The following RELN variants were observed in gnomAD, a reference collection of about 807,000 sequenced individuals.
RELN encodes reelin.
In RELN, 108 loss-of-function variants were observed where a neutral mutation model predicts 427.6. The ratio of observed to expected loss-of-function variants is 0.25; its 90% CI spans 0.22 to 0.30. The LOEUF (loss-of-function observed/expected upper bound fraction) is 0.30, where lower values mean the gene tolerates loss of function less well. RELN is among the 10% of genes least tolerant of loss of function. The pLI is 1.00. For missense variants in RELN, 3,715 were observed against 4,302.8 expected, an observed-to-expected ratio of 0.86 and a Z score of 3.82; for synonymous variants, 1,524 against 1,513.4, an observed-to-expected ratio of 1.01 and a Z score of -0.16.
At chr7:103,671,269 A>T (rs1833387025) in intron 11 of RELN, among the ~76,000 whole-genome samples, 1 of 152,170 alleles carries the variant, frequency 6.6e-6, no homozygotes, top group Non-Finnish European at 1.5e-5. Context: ...GATGAGCTCA[A>T]TTTGAAGCCT....
intron 60 of RELN, 112 bp downstream of exon 60, chr7:103,489,630 G>T: frequency 8.1e-7 from 1 of 1,235,956 alleles, no homozygotes; most frequent in South Asian, 1.3e-5. Context: ...ATGAATCTCA[G>T]ATCCCTCAGG....
intron 1 of RELN, among the ~76,000 whole-genome samples, chr7:103,959,525 G>A (rs1241850733): frequency 6.6e-6 from 1 of 152,112 alleles, no homozygotes; most frequent in African/African-American, 2.4e-5. Flanking sequence ...TCTCCCTGCA[G>A]ATTCTCCCAC....
chr7:103,507,289 A>T (rs1829247842), intron 51 of RELN, among the ~76,000 whole-genome samples: 1 of 152,050 alleles, frequency 6.6e-6, no homozygotes, highest in Non-Finnish European at 1.5e-5. Flanking sequence ...GAAGTAAAAA[A>T]CTCCTCAGCA....
intron 27 of RELN, among the ~76,000 whole-genome samples, chr7:103,593,332 C>G (rs1831463284): frequency 6.6e-6 from 1 of 152,150 alleles, no homozygotes; most frequent in Non-Finnish European, 1.5e-5. Flanking sequence ...TCAAATACCA[C>G]TAGCAAGATG....
chr7:103,504,161 GC>G (rs1401925863), intron 51 of RELN, among the ~76,000 whole-genome samples: 1 of 152,022 alleles, frequency 6.6e-6, no homozygotes, highest in African/African-American at 2.4e-5. Context: ...CCAAGATTAC[GC>G]CACTGCACTC....
chr7:103,650,218 A>G, intron 16 of RELN, 56 bp downstream of exon 16: 1 of 1,060,750 alleles, frequency 9.4e-7, no homozygotes, highest in South Asian at 1.2e-5. Flanking sequence ...GACGAACAAA[A>G]GCACAGGAAG....
rs1231029837 is a variant in RELN at position 103,545,006 on chromosome 7, C to T, written c.6523+118G>A. 11 of 799,874 alleles carry T rather than the reference C, an allele frequency of 1.4e-5. No homozygotes were observed. In the Admixed American group the frequency reaches 2.0e-4, roughly 15 times the overall value. 49.5% of individuals were successfully genotyped at this position (799,874 alleles called of 1,614,324 possible). A position where few individuals can be genotyped will look rare whatever the true frequency, so the allele number is the denominator to read the frequency against. ...AACTAAATGAATTCTTGGATGTTCA[C>T]AATTGAAATAATAATGAGATATTAG... On this transcript the variant is annotated intron_variant, in intron 42 of 64. Coordinates refer to ENST00000428762, the MANE Select transcript of RELN (RefSeq NM_005045.4).
At position 103,814,460 on chromosome 7, in the gene RELN, A is replaced by C. The variant is rs1792820642; in HGVS notation, c.473+19077T>G. ...TATTGGAAAGAATATAGTTATCTGC[A>C]AGTAAGCCTGTTCCAGAAAACCAAG... On this transcript the variant is annotated intron_variant, in intron 3 of 64. Transcript: ENST00000428762. Among the ~76,000 whole-genome samples, 5 of 152,190 alleles carry C rather than the reference A, an allele frequency of 3.3e-5. No individual in the cohort carries two copies. In the South Asian group the frequency reaches 8.3e-4, roughly 25 times the overall value.
intron 20 of RELN, among the ~76,000 whole-genome samples, chr7:103,618,806 C>T (rs1832143441): frequency 6.6e-6 from 1 of 152,110 alleles, no homozygotes; most frequent in Non-Finnish European, 1.5e-5. Context: ...AGTTTCTTGG[C>T]TGCTGTTAAT....
intron 28 of RELN, among the ~76,000 whole-genome samples, chr7:103,586,257 G>A (rs1442313713): frequency 6.6e-6 from 1 of 152,132 alleles, no homozygotes; most frequent in Non-Finnish European, 1.5e-5. Flanking sequence ...CAGCTACCCA[G>A]GAGGCTGAGG....
chr7:103,669,477 G>A (rs1306233805), intron 11 of RELN, among the ~76,000 whole-genome samples: 1 of 152,070 alleles, frequency 6.6e-6, no homozygotes, highest in African/African-American at 2.4e-5. Flanking sequence ...TCAACTACTG[G>A]GGGACTTCAG....
Position 103,596,390 on chromosome 7 carries a change from A to T in RELN, c.3539+66T>A, listed in dbSNP as rs2117254658. ...GCAACAGTTAACATTTTGGAAACAC[A>T]TCAACAATGATTTAACCTTTACCAT... On this transcript the variant is annotated intron_variant, in intron 25 of 64. Coordinates refer to ENST00000428762, the MANE Select transcript of RELN (RefSeq NM_005045.4). 3.6e-6 allele frequency: 5 copies of T among 1,401,286 alleles called. No individual in the cohort carries two copies. The East Asian group carries it at 1.1e-4, about 32-fold the overall frequency. The allele number at this position is 1,401,286 out of a possible 1,614,324, so 86.8% of individuals were successfully genotyped here. A position where few individuals can be genotyped will look rare whatever the true frequency, so the allele number is the denominator to read the frequency against.
In RELN at chr7:103,573,743, G is replaced by C. The variant is rs923066698; in HGVS notation, c.4511+349C>G. ...GATAAATGAGGACGCATCAATTTCA[G>C]ACATAGAATGTAAGGTTGGAAAAAT... On this transcript the variant is annotated intron_variant, in intron 30 of 64. Coordinates refer to ENST00000428762, the MANE Select transcript of RELN (RefSeq NM_005045.4). This position sits in a 1 kb window ranked among gnomAD's most constrained non-coding sequence, Gnocchi z 4.4. Among the ~76,000 whole-genome samples, 1 of 152,148 alleles carries C rather than the reference G, an allele frequency of 6.6e-6. No homozygotes were observed. Among genetic ancestry groups the C allele is most frequent in the African/African-American group, 2.4e-5 (1 of 41,430 alleles).
At position 103,621,161 on chromosome 7, in the gene RELN, T is replaced by C. The variant is rs955148507; in HGVS notation, c.2702+8779A>G. On this transcript the variant is annotated intron_variant, in intron 20 of 64. Transcript: ENST00000428762. ...TGTCTCATGTTAAATATAAGTATTT[T>C]AGGTTGCAAAAAGTAGTCAAATGGA... Among the ~76,000 whole-genome samples the C allele has an allele frequency of 5.9e-4, 90 of 152,176 alleles. 1 individual carries two copies. Among genetic ancestry groups the C allele is most frequent in the Admixed American group, 4.1e-3 (62 of 15,282 alleles).
intron 10 of RELN, among the ~76,000 whole-genome samples, chr7:103,689,908 G>A (rs1216500346): frequency 6.6e-6 from 1 of 152,118 alleles, no homozygotes; most frequent in Non-Finnish European, 1.5e-5. Context: ...TGCAGGATGT[G>A]TATTTGAGGA....
chr7:103,956,852 T>C (rs1051517189), intron 1 of RELN, among the ~76,000 whole-genome samples: 1 of 152,130 alleles, frequency 6.6e-6, no homozygotes, highest in Non-Finnish European at 1.5e-5. Context: ...ACTTTACAAG[T>C]TGTGCTTAGA....
At chr7:103,656,721 T>C (rs1050186426) in intron 12 of RELN, among the ~76,000 whole-genome samples, 2 of 152,130 alleles carry the variant, frequency 1.3e-5, no homozygotes, top group African/African-American at 4.8e-5. Flanking sequence ...TGGTTGGTAC[T>C]GTATGGATCA....
At chr7:103,495,113 T>C (rs1465550403) in intron 57 of RELN, among the ~76,000 whole-genome samples, 2 of 151,936 alleles carry the variant, frequency 1.3e-5, no homozygotes, top group African/African-American at 4.8e-5. Flanking sequence ...TAGAATATAT[T>C]CAGTTGGTGT....
intron 38 of RELN, among the ~76,000 whole-genome samples, chr7:103,556,272 TCCCAAATAAATGCA>T (rs1202656605): frequency 6.6e-6 from 1 of 152,068 alleles, no homozygotes; most frequent in East Asian, 1.9e-4. Context: ...AACTATGTAT[TCCCAAATAAATGCA>T]ACAAAAATGT....
Sources: allele counts gnomAD v4.1 joint callset (sites outside exome capture counted in the v4.1 genomes callset), GRCh38; gene constraint gnomAD v4.1.1; non-coding constraint Gnocchi (gnomAD v3.1); transcripts MANE v1.5; gene names NCBI Gene and HGNC (gene_info 2026-07-23, HGNC 2026-07-21).